HYDIN: variants seen among roughly 807,000 people sequenced by gnomAD.
HYDIN encodes the protein HYDIN axonemal central pair apparatus protein.
A neutral mutation model predicts 403.9 loss-of-function variants in HYDIN; 132 were observed. That is an observed-to-expected ratio of 0.33 (90% CI 0.28 to 0.38). The LOEUF (loss-of-function observed/expected upper bound fraction) is 0.38, where lower values mean the gene tolerates loss of function less well. Ranked by LOEUF, HYDIN falls within the 10% of genes least tolerant of loss-of-function variation. The probability of loss-of-function intolerance (pLI) is 1.00; values close to 1 mark genes in which losing one functional copy is unlikely to be tolerated. For synonymous variants in HYDIN, 1,202 were observed against 1,891.7 expected, an observed-to-expected ratio of 0.64 and a Z score of 9.46; for missense variants, 2,827 against 5,009.5, an observed-to-expected ratio of 0.56 and a Z score of 13.15.
chr16:71,100,117 G>A (rs1465930801), intron 10 of HYDIN, among the ~76,000 whole-genome samples: 3 of 151,998 alleles, frequency 2.0e-5, no homozygotes, highest in Non-Finnish European at 4.4e-5. Context: ...TAGTTTTCAA[G>A]GTTCTATTTA....
At chr16:70,976,309 T>C (rs1269235833) in intron 30 of HYDIN, among the ~76,000 whole-genome samples, 2 of 152,284 alleles carry the variant, frequency 1.3e-5, no homozygotes, top group Non-Finnish European at 2.9e-5. Flanking sequence ...GGGCATCACA[T>C]TCTGGTTTAA....
chr16:70,896,477 C>T (rs1402979859), intron 53 of HYDIN, among the ~76,000 whole-genome samples: 4 of 152,158 alleles, frequency 2.6e-5, no homozygotes, highest in Admixed American at 6.5e-5. Context: ...CTCAGCCTCC[C>T]GAGTAGGTGG....
At chr16:71,163,419 G>C (rs777059272) in intron 5 of HYDIN, among the ~76,000 whole-genome samples, 1 of 152,138 alleles carries the variant, frequency 6.6e-6, no homozygotes, top group East Asian at 1.9e-4. Context: ...CACCGCGCCC[G>C]GCCGATGTTT....
intron 8 of HYDIN, chr16:71,132,155 G>C (rs2084736119): frequency 1.2e-5 from 1 of 83,064 alleles, no homozygotes. Context: ...AATTTTATTA[G>C]TGCACAATGT....
At chr16:70,926,501 AC>A (rs1256409777) in intron 45 of HYDIN, among the ~76,000 whole-genome samples, 2 of 152,034 alleles carry the variant, frequency 1.3e-5, no homozygotes, top group Admixed American at 1.3e-4. Flanking sequence ...TAGGAGATAT[AC>A]CTAATGCTAA....
chr16:71,187,163 G>A (rs1045635502), intron 1 of HYDIN, among the ~76,000 whole-genome samples: 1 of 152,034 alleles, frequency 6.6e-6, no homozygotes. Flanking sequence ...AGGAAGACAT[G>A]GAAGTACAAG....
intron 18 of HYDIN, among the ~76,000 whole-genome samples, chr16:71,059,461 AT>A (rs1180736449): frequency 6.6e-6 from 1 of 152,128 alleles, no homozygotes; most frequent in Non-Finnish European, 1.5e-5. Context: ...GTGTGGCATT[AT>A]TTCTGGGCTC....
chr16:71,211,196 A>G (rs2088569506), intron 1 of HYDIN, among the ~76,000 whole-genome samples: 1 of 152,166 alleles, frequency 6.6e-6, no homozygotes, highest in Non-Finnish European at 1.5e-5. Flanking sequence ...AAAAAGAAAG[A>G]GGAAAAATAC....
intron 68 of HYDIN, 141 bp from the exon 69 acceptor site, chr16:70,862,396 TG>T: frequency 1.1e-5 from 6 of 558,706 alleles, no homozygotes; most frequent in Non-Finnish European, 9.4e-6. Flanking sequence ...TACTTAACCT[TG>T]GGTATTAGAG....
chr16:71,217,768 A>G (rs1033968603), intron 1 of HYDIN, among the ~76,000 whole-genome samples: 4 of 152,122 alleles, frequency 2.6e-5, no homozygotes, highest in Non-Finnish European at 5.9e-5. Flanking sequence ...CAAACAAAAC[A>G]CATTTCCAAG....
chr16:70,847,327 T>C (rs2038283685), intron 75 of HYDIN, among the ~76,000 whole-genome samples: 1 of 152,262 alleles, frequency 6.6e-6, no homozygotes, highest in African/African-American at 2.4e-5. Flanking sequence ...GAAAAAGTTA[T>C]AAATAAAAAT....
intron 18 of HYDIN, among the ~76,000 whole-genome samples, chr16:71,060,043 C>A (rs1418140496): frequency 6.6e-6 from 1 of 152,122 alleles, no homozygotes; most frequent in Admixed American, 6.5e-5. Flanking sequence ...AATAAACACA[C>A]CAACATATGT....
chr16:70,967,392 C>A (rs987345338), intron 36 of HYDIN, among the ~76,000 whole-genome samples: 33 of 151,956 alleles, frequency 2.2e-4, no homozygotes, highest in East Asian at 7.7e-4. Flanking sequence ...TTTACTGCAG[C>A]CTCGACCTCC....
intron 58 of HYDIN, among the ~76,000 whole-genome samples, chr16:70,886,606 C>G (rs1220855620): frequency 6.6e-6 from 1 of 152,188 alleles, no homozygotes; most frequent in Non-Finnish European, 1.5e-5. Context: ...GGTAAGTCTA[C>G]TGGTGACAAA....
At chr16:70,811,319 C>T (rs866291337) in intron 84 of HYDIN, 1 of 153,138 alleles carries the variant, frequency 6.5e-6, no homozygotes, top group Middle Eastern at 9.5e-4. Flanking sequence ...CACCTGTAGT[C>T]CTAGCTACTC....
intron 14 of HYDIN, among the ~76,000 whole-genome samples, chr16:71,068,805 C>T (rs1364962593): frequency 6.6e-6 from 1 of 152,148 alleles, no homozygotes; most frequent in Non-Finnish European, 1.5e-5. Flanking sequence ...TTAGTGATAC[C>T]ACATCCACAT....
At chr16:70,859,745 AC>A (rs2039285530) in intron 71 of HYDIN, among the ~76,000 whole-genome samples, 1 of 152,154 alleles carries the variant, frequency 6.6e-6, no homozygotes, top group Non-Finnish European at 1.5e-5. Context: ...GACAAAGATA[AC>A]TTTTTATGCT....
Position 71,079,948 on chromosome 16 carries a change from A to C in HYDIN, c.1675T>G (p.Cys559Gly). The C allele has an allele frequency of 9.8e-7, 1 of 1,020,176 alleles. No homozygotes were observed. Among genetic ancestry groups the C allele is most frequent in the Non-Finnish European group, 1.5e-6 (1 of 653,364 alleles). The allele number at this position is 1,020,176 out of a possible 1,614,324, so 63.2% of individuals were successfully genotyped here. ...PEPVKLTIRG[C>G]VIGPTFHFNV... ...AAATGGAAGGTAGGTCCAATGACAC[A>C]GCCTCTGGAAGGAGGAATACAAGGT... Residue 559 changes from cysteine (C) to glycine (G), a missense_variant, in exon 13 of 86, where the codon TGT (cysteine) becomes GGT (glycine). Transcript: ENST00000393567.
intron 1 of HYDIN, among the ~76,000 whole-genome samples, chr16:71,198,751 G>T (rs2087834582): frequency 6.6e-6 from 1 of 152,142 alleles, no homozygotes; most frequent in Non-Finnish European, 1.5e-5. Flanking sequence ...TGGGTTTCTG[G>T]GTTCCTGGGT....
Sources: allele counts gnomAD v4.1 joint callset (sites outside exome capture counted in the v4.1 genomes callset), GRCh38; gene constraint gnomAD v4.1.1; transcripts MANE v1.5; gene names NCBI Gene and HGNC (gene_info 2026-07-23, HGNC 2026-07-21).